The following NBAS variants were observed in gnomAD, a reference collection of about 807,000 sequenced individuals.
NBAS encodes the protein NBAS subunit of NRZ tethering complex, also known as NAG/BC035112 fusion.
NBAS carries 219 observed loss-of-function variants against 302.5 expected under a neutral mutation model. That is an observed-to-expected ratio of 0.72 (90% CI 0.65 to 0.81). The LOEUF (loss-of-function observed/expected upper bound fraction) is 0.81, where lower values mean the gene tolerates loss of function less well. NBAS is among the 30% of genes least tolerant of loss of function. The probability of loss-of-function intolerance (pLI) is 0.00; values close to 1 mark genes in which losing one functional copy is unlikely to be tolerated. For synonymous variants in NBAS, 1,118 were observed against 1,021.6 expected (o/e 1.09, Z -1.80); for missense variants, 2,932 against 2,841.6 (o/e 1.03, Z -0.72).
intron 26 of NBAS, among the ~76,000 whole-genome samples, chr2:15,396,760 G>A (rs1332552181): frequency 2.6e-5 from 4 of 152,020 alleles, no homozygotes; most frequent in Non-Finnish European, 1.5e-5. Context: ...TAAATCGATT[G>A]TTTATTTAAG....
chr2:15,159,164 G>A, the NBAS span, among the ~76,000 whole-genome samples: 1 of 152,134 alleles, frequency 6.6e-6, no homozygotes, highest in African/African-American at 2.4e-5. Flanking sequence ...GTAGGGACAG[G>A]GGGCCTTCGG....
At chr2:14,879,001 A>C in the NBAS span, among the ~76,000 whole-genome samples, 2 of 152,152 alleles carry the variant, frequency 1.3e-5, no homozygotes, top group African/African-American at 4.8e-5. Context: ...TGATCCTTTC[A>C]CTATATCCAT....
rs3792579 is a variant in NBAS at position 15,394,599 on chromosome 2, A to G, written c.3135-250T>C. On this transcript the variant is annotated intron_variant, in intron 27 of 51. Transcript: ENST00000281513. ...TAAGTAGCATACTAAAAGAAAGCAT[A>G]ACCTATCTTTATCTCAAAAATCTTT... is the stretch of plus-strand genomic sequence containing the variant. 0.63 allele frequency among the ~76,000 whole-genome samples: 95,135 copies of G among 151,962 alleles called. 30,538 individuals are homozygous for G. The highest frequency in any genetic ancestry group is 0.68 in the Middle Eastern group (200 of 292).
At chr2:15,434,723 C>G (rs937255100) in intron 21 of NBAS, among the ~76,000 whole-genome samples, 3 of 152,136 alleles carry the variant, frequency 2.0e-5, no homozygotes, top group African/African-American at 7.2e-5. Flanking sequence ...ATCAACTAAC[C>G]TATAGGTTCG....
chr2:15,008,228 T>A, the NBAS span, among the ~76,000 whole-genome samples: 1 of 152,216 alleles, frequency 6.6e-6, no homozygotes, highest in Admixed American at 6.5e-5. Flanking sequence ...TAGGGCCTCA[T>A]CATCTACTCC....
chr2:15,018,036 G>A, the NBAS span, among the ~76,000 whole-genome samples: 36 of 151,984 alleles, frequency 2.4e-4, no homozygotes, highest in African/African-American at 8.2e-4. Context: ...ATAAGCCAGG[G>A]ATAGAAATTT....
chr2:15,073,705 C>G, the NBAS span, among the ~76,000 whole-genome samples: 1 of 152,062 alleles, frequency 6.6e-6, no homozygotes, highest in Non-Finnish European at 1.5e-5. Flanking sequence ...CATATATAGA[C>G]ACATACATAT....
At chr2:15,315,166 C>T (rs1057406384) in intron 38 of NBAS, among the ~76,000 whole-genome samples, 4 of 151,998 alleles carry the variant, frequency 2.6e-5, no homozygotes, top group African/African-American at 9.7e-5. Context: ...TTAAAACACA[C>T]AAAAGTAAAA....
At chr2:15,096,250 C>T in the NBAS span, among the ~76,000 whole-genome samples, 2 of 152,134 alleles carry the variant, frequency 1.3e-5, no homozygotes, top group African/African-American at 2.4e-5. Context: ...GCTGGCTGGC[C>T]CTTTAAAACA....
intron 5 of NBAS, among the ~76,000 whole-genome samples, chr2:15,553,117 A>C (rs150981352): frequency 1.5e-3 from 225 of 152,272 alleles, no homozygotes; most frequent in African/African-American, 5.2e-3. Context: ...TGTTTAGCTA[A>C]TATAGCAGTA....
intron 11 of NBAS, among the ~76,000 whole-genome samples, chr2:15,497,317 T>A (rs997950734): frequency 6.6e-6 from 1 of 152,212 alleles, no homozygotes. Flanking sequence ...GGGGAACTGA[T>A]TAAGTATCTG....
chr2:15,424,187 C>G, intron 23 of NBAS, 128 bp downstream of exon 23: 1 of 1,108,230 alleles, frequency 9.0e-7, no homozygotes, highest in East Asian at 2.4e-5. Flanking sequence ...AATAAATATT[C>G]AATTCATCTC....
chr2:15,109,556 A>G, the NBAS span, among the ~76,000 whole-genome samples: 1 of 152,154 alleles, frequency 6.6e-6, no homozygotes, highest in Non-Finnish European at 1.5e-5. Flanking sequence ...GGTTTAAACA[A>G]CAGAATTTAT....
In NBAS at chr2:15,190,335, A is replaced by C; in HGVS notation, c.6501T>G (p.Ser2167Arg). ...YCLFMELLES[S>R]HHEAEFQHLV... is the part of the protein sequence containing the mutation. Reference sequence around the variant, plus strand: ...AGTGCTGAAATTCAGCCTCGTGGTGACTAGATTCCAGGAGTTCCATGAATA... The same window carrying C: ...AGTGCTGAAATTCAGCCTCGTGGTGCCTAGATTCCAGGAGTTCCATGAATA... Residue 2167 changes from serine to arginine, a missense_variant, in exon 49 of 52, where the codon AGT becomes AGG. Transcript: ENST00000281513. 1 of 1,614,044 alleles carries C rather than the reference A, an allele frequency of 6.2e-7. No homozygotes were observed. The highest frequency in any genetic ancestry group is 8.5e-7 in the Non-Finnish European group (1 of 1,179,942).
chr2:15,350,308 C>T (rs922134926), intron 35 of NBAS, among the ~76,000 whole-genome samples: 3 of 151,888 alleles, frequency 2.0e-5, no homozygotes, highest in South Asian at 2.1e-4. Context: ...GTTCACTTAC[C>T]ACAATAGGTG....
intron 48 of NBAS, among the ~76,000 whole-genome samples, chr2:15,218,085 T>C (rs1393371168): frequency 1.3e-5 from 2 of 152,160 alleles, no homozygotes; most frequent in African/African-American, 4.8e-5. Context: ...AGCATTTTAG[T>C]ACCTGGGCAG....
At chr2:14,955,657 A>G in the NBAS span, among the ~76,000 whole-genome samples, 1 of 152,246 alleles carries the variant, frequency 6.6e-6, no homozygotes, top group Non-Finnish European at 1.5e-5. Flanking sequence ...CACCATGTGG[A>G]AGCTGCCCAG....
At chr2:14,832,846 A>AAGC in the NBAS span, among the ~76,000 whole-genome samples, 1 of 152,138 alleles carries the variant, frequency 6.6e-6, no homozygotes, top group Non-Finnish European at 1.5e-5. Flanking sequence ...CATTTGTGAC[A>AAGC]AGCAAAACTG....
At chr2:15,078,523 C>T in the NBAS span, among the ~76,000 whole-genome samples, 3 of 152,200 alleles carry the variant, frequency 2.0e-5, no homozygotes, top group Non-Finnish European at 2.9e-5. Context: ...ATTTGGCACT[C>T]GCAAAGACTT....
Sources: gnomAD v4.1 joint callset for allele counts (sites outside exome capture counted in the v4.1 genomes callset) on GRCh38, gnomAD v4.1.1 for gene constraint, MANE v1.5 for transcripts, NCBI Gene and HGNC (gene_info 2026-07-23, HGNC 2026-07-21) for gene names.